The following PSMA6 variants were observed in gnomAD, a reference collection of about 807,000 sequenced individuals.
PSMA6 encodes the protein proteasome subunit alpha type-6.
For missense variants in PSMA6, 170 were observed against 294.8 expected (o/e 0.58, Z 3.10); for synonymous variants, 88 against 97.7 (o/e 0.90, Z 0.59).
chr14:35,307,217 C>G (rs529106595), intron 1 of PSMA6, among the ~76,000 whole-genome samples: 2 of 152,130 alleles, frequency 1.3e-5, no homozygotes, highest in African/African-American at 2.4e-5. Context: ...AAATATTCAA[C>G]TTGGTAGACA....
chr14:35,292,512 C>G lies in PSMA6; in HGVS notation c.36C>G (p.His12Gln). 6.2e-7 allele frequency: 1 copy of G among 1,613,894 alleles called. No individual in the cohort carries two copies. Among genetic ancestry groups the G allele is most frequent in the Non-Finnish European group, 8.5e-7 (1 of 1,179,826 alleles). The change falls in exon 1 of 7, where the codon CAC becomes CAG. Residue 12 changes from histidine (H) to glutamine (Q), a missense_variant. Transcript: ENST00000261479. ...SRGSSAGFDR[H>Q]ITIFSPEGRL... The stretch of plus-strand genomic sequence containing the variant: ...GTTCCAGCGCCGGTTTTGACCGCCA[C>G]ATTACCATTTTTTCACCCGAGGGTC...
At chr14:35,307,764 G>A (rs1374144995) in intron 1 of PSMA6, among the ~76,000 whole-genome samples, 4 of 152,032 alleles carry the variant, frequency 2.6e-5, no homozygotes, top group African/African-American at 9.7e-5. Flanking sequence ...TGGAAATTGG[G>A]TGCATCAGCT....
chr14:35,310,920 A>G (rs141924747), intron 4 of PSMA6, 25 bp downstream of exon 4: 17,143 of 1,597,114 alleles, frequency 0.011, 114 homozygotes, highest in Non-Finnish European at 0.013. Flanking sequence ...AGGTCTCCCA[A>G]ATAATTGATG....
At chr14:35,285,345 A>AAC (rs2051409800) in intron 1 of PSMA6, among the ~76,000 whole-genome samples, 1 of 34,974 alleles carries the variant, frequency 2.9e-5, no homozygotes, top group African/African-American at 4.7e-5. Flanking sequence ...ATCTCAAAAA[A>AAC]AACAAAAAAC....
chr14:35,308,834 T>G lies in PSMA6; in HGVS notation c.172-80T>G, dbSNP rs947259384. 3 of 1,048,432 alleles carry G rather than the reference T, an allele frequency of 2.9e-6. No individual in the cohort carries two copies. The Admixed American group carries it at 6.4e-5, about 22-fold the overall frequency. The allele number at this position is 1,048,432 out of a possible 1,614,324, so 64.9% of individuals were successfully genotyped here. On this transcript the variant is annotated intron_variant, in intron 2 of 6. Transcript: ENST00000261479. ...GTTTTCTCCAAGAAGCAGGGCAAAT[T>G]AAAAACATAATTTTTTTTATAACTA...
intron 1 of PSMA6, among the ~76,000 whole-genome samples, chr14:35,296,372 C>G (rs1686222717): frequency 1.3e-5 from 2 of 152,112 alleles, no homozygotes; most frequent in South Asian, 4.1e-4. Flanking sequence ...ACTTGGTCGC[C>G]CAGGCTAGAG....
At position 35,312,894 on chromosome 14, in the gene PSMA6, T is replaced by C. The variant is rs1224640989; in HGVS notation, c.423T>C (p.Ile141=). 1 of 1,579,414 alleles carries C rather than the reference T, an allele frequency of 6.3e-7. No homozygotes were observed. Among genetic ancestry groups the C allele is most frequent in the Non-Finnish European group, 8.6e-7 (1 of 1,168,364 alleles). Residue 141 remains isoleucine, a synonymous_variant, in exon 5 of 7, where the codon ATT becomes ATC. Transcript: ENST00000261479. ...MRPLGCCMIL[I]GIDEEQGPQV... ...TTCTCTTTTTAGGTATGATTTTAAT[T>C]GGTATAGATGAAGAGCAAGGCCCTC...
At chr14:35,292,228 A>G (rs1000291144), upstream of PSMA6, 1 of 1,156,778 alleles carries the variant, frequency 8.6e-7, no homozygotes, top group African/African-American at 1.6e-5. Flanking sequence ...TATCCACTCA[A>G]GAGGCCTGCT....
chr14:35,300,904 G>A (rs2051698703), intron 1 of PSMA6, among the ~76,000 whole-genome samples: 1 of 152,202 alleles, frequency 6.6e-6, no homozygotes, highest in South Asian at 2.1e-4. Flanking sequence ...TGTAAGAAAA[G>A]CAGGTTTATA....
chr14:35,290,820 C>T (rs1453225693), upstream of PSMA6, among the ~76,000 whole-genome samples: 1 of 152,084 alleles, frequency 6.6e-6, no homozygotes, highest in African/African-American at 2.4e-5. Flanking sequence ...CACAAATTTG[C>T]GATTTGAAAA....
At chr14:35,278,802 T>C (rs768216923) in intron 1 of PSMA6, 7 of 1,464,760 alleles carry the variant, frequency 4.8e-6, no homozygotes, top group Middle Eastern at 4.7e-4. Flanking sequence ...ATTTTATTCC[T>C]CTTTACAATG....
In PSMA6 at chr14:35,312,936, T is replaced by C; in HGVS notation, c.465T>C (p.Asp155=). The C allele has an allele frequency of 6.3e-7, 1 of 1,595,964 alleles. No homozygotes were observed. Among genetic ancestry groups the C allele is most frequent in the Non-Finnish European group, 8.5e-7 (1 of 1,173,676 alleles). ...EEQGPQVYKC[D]PAGYYCGFKA... is the part of the protein sequence containing the mutation. ...AAGGCCCTCAGGTATATAAGTGTGA[T>C]CCTGCAGGTTACTACTGTGGGTTTA... is the stretch of plus-strand genomic sequence containing the variant. The change falls in exon 5 of 7, where the codon GAT becomes GAC. Residue 155 remains aspartate (D), a synonymous_variant. Transcript: ENST00000261479.
In PSMA6 at chr14:35,313,022, A is replaced by G. The variant is rs1312426193; in HGVS notation, c.551A>G (p.Lys184Arg). 1 of 1,579,718 alleles carries G rather than the reference A, an allele frequency of 6.3e-7. No individual in the cohort carries two copies. The highest frequency in any genetic ancestry group is 2.3e-5 in the East Asian group (1 of 43,568). Residue 184 changes from lysine to arginine, a missense_variant, in exon 5 of 7, where the codon AAG becomes AGG. Lys to Arg is a conservative substitution (Grantham distance 26). Transcript: ENST00000261479. Reference sequence around the variant, plus strand: ...ACCAGCTTCCTTGAAAAAAAAGTGAAGAAGAAATTTGATTGGACATTTGAA... The same window carrying G: ...ACCAGCTTCCTTGAAAAAAAAGTGAGGAAGAAATTTGATTGGACATTTGAA... ...ESTSFLEKKV[K>R]KKFDWTFEQT...
chr14:35,303,660 T>C (rs1166191715), intron 1 of PSMA6, among the ~76,000 whole-genome samples: 1 of 152,168 alleles, frequency 6.6e-6, no homozygotes, highest in African/African-American at 2.4e-5. Flanking sequence ...ATTAGCCATA[T>C]CAGGATCAGA....
intron 1 of PSMA6, among the ~76,000 whole-genome samples, chr14:35,307,688 C>T (rs1419212604): frequency 3.3e-5 from 5 of 151,982 alleles, no homozygotes; most frequent in African/African-American, 7.3e-5. Context: ...GAGCTCAGGT[C>T]GCACCACTGC....
chr14:35,281,385 C>G (rs998759566), intron 1 of PSMA6, among the ~76,000 whole-genome samples: 1 of 152,134 alleles, frequency 6.6e-6, no homozygotes, highest in African/African-American at 2.4e-5. Flanking sequence ...CTCCTGGAGC[C>G]TTCATTTCCT....
chr14:35,288,217 G>T (rs2051441187), upstream of PSMA6, among the ~76,000 whole-genome samples: 1 of 152,360 alleles, frequency 6.6e-6, no homozygotes, highest in Admixed American at 6.5e-5. Flanking sequence ...GATGTGGCTA[G>T]TTGGGCATGG....
chr14:35,288,028 G>A (rs1376882588), upstream of PSMA6, among the ~76,000 whole-genome samples: 1 of 152,192 alleles, frequency 6.6e-6, no homozygotes, highest in East Asian at 1.9e-4. Context: ...TAAAATCTCT[G>A]ACCTTTTAGG....
chr14:35,309,976 A>AG (rs2051909469), intron 3 of PSMA6, among the ~76,000 whole-genome samples: 1 of 152,040 alleles, frequency 6.6e-6, no homozygotes, highest in Admixed American at 6.6e-5. Flanking sequence ...CATTTGAAGA[A>AG]GAAAAAAAAA....
Sources: allele counts gnomAD v4.1 joint callset (sites outside exome capture counted in the v4.1 genomes callset), GRCh38; gene constraint gnomAD v4.1.1; transcripts MANE v1.5; gene names NCBI Gene and HGNC (gene_info 2026-07-23, HGNC 2026-07-21).